PIAS1: variants seen among roughly 807,000 people sequenced by gnomAD.
The protein encoded by PIAS1 is protein inhibitor of activated STAT 1.
In PIAS1, 6 loss-of-function variants were observed where a neutral mutation model predicts 71.3. The ratio of observed to expected loss-of-function variants is 0.08; its 90% CI spans 0.05 to 0.17. The LOEUF is 0.17. Among genes scored for constraint, PIAS1 ranks in the 10% least tolerant of loss-of-function variants. The pLI, the probability that PIAS1 is intolerant of heterozygous loss-of-function variation, is 1.00. For missense variants in PIAS1, 555 were observed against 793.6 expected (o/e 0.70, Z 3.61); for synonymous variants, 303 against 292.9 (o/e 1.03, Z -0.35).
intron 1 of PIAS1, among the ~76,000 whole-genome samples, chr15:68,072,796 AT>A (rs1219211330): frequency 7.9e-5 from 12 of 152,092 alleles, no homozygotes. Context: ...AATTAGATTT[AT>A]TTTTTTATGT....
intron 2 of PIAS1, among the ~76,000 whole-genome samples, chr15:68,123,965 T>A (rs924406760): frequency 1.9e-5 from 2 of 108,074 alleles, no homozygotes; most frequent in Non-Finnish European, 3.8e-5. Context: ...TAGGTATATG[T>A]ATACATATGT....
At chr15:68,067,711 T>TA (rs1169486996) in intron 1 of PIAS1, among the ~76,000 whole-genome samples, 3 of 151,958 alleles carry the variant, frequency 2.0e-5, no homozygotes, top group Non-Finnish European at 2.9e-5. Context: ...GTTGCTTTTT[T>TA]AAAAAAAATT....
rs551418536 is a variant in PIAS1, at chr15:68,076,842, A to G, written c.25-9464A>G. 1.5e-3 allele frequency among the ~76,000 whole-genome samples: 225 copies of G among 152,324 alleles called. 4 individuals carry two copies. Among genetic ancestry groups the G allele is most frequent in the African/African-American group, 5.1e-3 (214 of 41,570 alleles). On this transcript the variant is annotated intron_variant, in intron 1 of 13. Coordinates refer to ENST00000249636, the MANE Select transcript of PIAS1 (RefSeq NM_016166.3). ...AACTATACTTGCATAGGGGATATGGAGATGAGTGTTTACCCTTGAAAAACT... is the reference window on the plus strand; with the variant it reads ...AACTATACTTGCATAGGGGATATGGGGATGAGTGTTTACCCTTGAAAAACT...
At chr15:68,131,253 T>C (rs1000383817) in intron 2 of PIAS1, among the ~76,000 whole-genome samples, 1 of 152,208 alleles carries the variant, frequency 6.6e-6, no homozygotes, top group Non-Finnish European at 1.5e-5. Context: ...GCTTTATATT[T>C]ATTTATTGAA....
chr15:68,148,685 C>T (rs1207382119), intron 6 of PIAS1, among the ~76,000 whole-genome samples: 1 of 152,194 alleles, frequency 6.6e-6, no homozygotes, highest in Non-Finnish European at 1.5e-5. Flanking sequence ...CCGTGGCCTC[C>T]CCAAGTGTGG....
intron 1 of PIAS1, among the ~76,000 whole-genome samples, chr15:68,068,236 A>G (rs535013432): frequency 2.6e-5 from 4 of 152,200 alleles, no homozygotes; most frequent in Admixed American, 6.5e-5. Flanking sequence ...TAGCTGGCTG[A>G]GGCATGTGCC....
chr15:68,104,126 C>T (rs571375286), intron 2 of PIAS1, among the ~76,000 whole-genome samples: 1 of 152,278 alleles, frequency 6.6e-6, no homozygotes, highest in South Asian at 2.1e-4. Flanking sequence ...TTAATATAGT[C>T]ATCCTAGTGG....
At chr15:68,101,622 C>G (rs2092427878) in intron 2 of PIAS1, among the ~76,000 whole-genome samples, 1 of 151,688 alleles carries the variant, frequency 6.6e-6, no homozygotes, top group African/African-American at 2.4e-5. Context: ...ATGCATGCCA[C>G]TGCGCCTGGC....
At chr15:68,161,379 C>T (rs549476905) in intron 7 of PIAS1, among the ~76,000 whole-genome samples, 2 of 151,940 alleles carry the variant, frequency 1.3e-5, no homozygotes, top group Non-Finnish European at 1.5e-5. Context: ...CCAAATTAAT[C>T]TGTAGAATTA....
Position 68,181,267 on chromosome 15 carries a change from G to A in PIAS1, c.1537G>A (p.Ala513Thr). 6.2e-7 allele frequency: 1 copy of A among 1,613,352 alleles called. No individual in the cohort carries two copies. The highest frequency in any genetic ancestry group is 1.1e-5 in the South Asian group (1 of 91,048). The change falls in exon 12 of 14, where the codon GCT (alanine) becomes ACT (threonine). Residue 513 changes from alanine to threonine, a missense_variant. Coordinates refer to ENST00000249636, the MANE Select transcript of PIAS1 (RefSeq NM_016166.3). The part of the protein sequence containing the change: ...SPVSRTPSLP[A>T]VDTSYINTSL... ...AGTATCCCGCACCCCAAGCCTTCCT[G>A]CTGTAGACACAAGCTACATTAATAC...
intron 2 of PIAS1, among the ~76,000 whole-genome samples, chr15:68,100,904 T>C (rs1158641212): frequency 2.0e-5 from 3 of 151,544 alleles, no homozygotes; most frequent in African/African-American, 7.3e-5. Flanking sequence ...TGTTTTGTTT[T>C]TTTTTTTTTG....
Position 68,192,955 on chromosome 15 carries a change from G to A in PIAS1, c.*5120G>A, listed in dbSNP as rs1403194236. 1 of 152,226 alleles carries A rather than the reference G, an allele frequency of 6.6e-6. No individual in the cohort carries two copies. Among genetic ancestry groups the A allele is most frequent in the Non-Finnish European group, 1.5e-5 (1 of 68,098 alleles). The allele number at this position is 152,226 out of a possible 1,614,324, so 9.4% of individuals were successfully genotyped here. ...AGTGTATGGCACCTCTGAATCTCTG[G>A]CAGCACCAACCTGGCACCTTCTAGC... On this transcript the variant is annotated 3_prime_UTR_variant, in exon 14 of 14. Coordinates refer to ENST00000249636, the MANE Select transcript of PIAS1 (RefSeq NM_016166.3).
chr15:68,090,107 T>C (rs1484578506), intron 2 of PIAS1, among the ~76,000 whole-genome samples: 1 of 151,924 alleles, frequency 6.6e-6, no homozygotes, highest in Non-Finnish European at 1.5e-5. Context: ...CTCGAACTCC[T>C]GGACTCAAGT....
Position 68,173,477 on chromosome 15 carries a change from G to A in PIAS1, c.1009-255G>A, listed in dbSNP as rs2093003870. ...CTCTCCACCAAAAGCTGATCTGTGA[G>A]CTGTGGATTTTAGTAAATAACCCTT... On this transcript the variant is annotated intron_variant, in intron 8 of 13. Transcript: ENST00000249636. This position sits in a 1 kb window ranked among gnomAD's most constrained non-coding sequence, Gnocchi z 4.3. 6.6e-6 allele frequency among the ~76,000 whole-genome samples: 1 copy of A among 152,122 alleles called. No homozygotes were observed. The highest frequency in any genetic ancestry group is 1.5e-5 in the Non-Finnish European group (1 of 68,010).
intron 8 of PIAS1, among the ~76,000 whole-genome samples, chr15:68,169,911 A>G (rs537720549): frequency 6.6e-6 from 1 of 152,210 alleles, no homozygotes; most frequent in South Asian, 2.1e-4. Flanking sequence ...GTGATTAAGT[A>G]AAATAACATT....
At chr15:68,149,087 T>G (rs2092828456) in intron 6 of PIAS1, among the ~76,000 whole-genome samples, 1 of 152,068 alleles carries the variant, frequency 6.6e-6, no homozygotes, top group Non-Finnish European at 1.5e-5. Flanking sequence ...TTTTGTTTTG[T>G]TTTTGTTTTG....
At chr15:68,181,698 C>T (rs536980327) in intron 12 of PIAS1, 3 of 189,730 alleles carry the variant, frequency 1.6e-5, no homozygotes, top group South Asian at 9.3e-5. Context: ...CCGTGGGGAA[C>T]GGAGTCTTGC....
Position 68,178,315 on chromosome 15 carries a change from T to C in PIAS1, c.1481+1661T>C, listed in dbSNP as rs2093032687. Among the ~76,000 whole-genome samples the C allele has an allele frequency of 6.6e-6, 1 of 152,188 alleles. No individual in the cohort carries two copies. Among genetic ancestry groups the C allele is most frequent in the Admixed American group, 6.5e-5 (1 of 15,284 alleles). On this transcript the variant is annotated intron_variant, in intron 11 of 13. Coordinates refer to ENST00000249636, the MANE Select transcript of PIAS1 (RefSeq NM_016166.3). The surrounding 1 kb of genome is among the most constrained non-coding windows in gnomAD (Gnocchi z 4.2). ...TCAAACATTTCACACATCGGTATTT[T>C]CATTCTACAGTAGTCCATCTTGGCA...
chr15:68,079,551 C>T (rs1170795670), intron 1 of PIAS1, among the ~76,000 whole-genome samples: 6 of 152,152 alleles, frequency 3.9e-5, no homozygotes, highest in Admixed American at 6.5e-5. Context: ...ACCACAGCCT[C>T]GAACTCCTGG....
Sources: allele counts gnomAD v4.1 joint callset (sites outside exome capture counted in the v4.1 genomes callset), GRCh38; gene constraint gnomAD v4.1.1; non-coding constraint Gnocchi (gnomAD v3.1); transcripts MANE v1.5; gene names NCBI Gene and HGNC (gene_info 2026-07-23, HGNC 2026-07-21).